The following SAMD9L variants were observed in gnomAD, a reference collection of about 807,000 sequenced individuals.
SAMD9L encodes sterile alpha motif domain-containing protein 9-like.
In SAMD9L, 68 loss-of-function variants were observed where a neutral mutation model predicts 90.7. That is an observed-to-expected ratio of 0.75 (90% CI 0.62 to 0.92). The LOEUF is 0.92. SAMD9L is among the 40% of genes least tolerant of loss of function. The pLI is 0.00. For synonymous variants in SAMD9L, 640 were observed against 630.1 expected, an observed-to-expected ratio of 1.02 and a Z score of -0.23; for missense variants, 1,604 against 1,824.3, an observed-to-expected ratio of 0.88 and a Z score of 2.20.
Position 93,131,117 on chromosome 7 carries a change from G to A in SAMD9L, c.*100C>T. On this transcript the variant is annotated 3_prime_UTR_variant, in exon 5 of 5. Coordinates refer to ENST00000318238, the MANE Select transcript of SAMD9L (RefSeq NM_152703.5). ...GGCAAAAGCAAAATCTGTAATTAGA[G>A]GTTAGCCATAATGTTATGAAAGTGC... 1 of 744,104 alleles carries A rather than the reference G, an allele frequency of 1.3e-6. No individual in the cohort carries two copies. Among genetic ancestry groups the A allele is most frequent in the East Asian group, 3.0e-5 (1 of 33,452 alleles). 46.1% of individuals were successfully genotyped at this position (744,104 alleles called of 1,614,324 possible). A position where few individuals can be genotyped will look rare whatever the true frequency, so the allele number is the denominator to read the frequency against.
At position 93,131,593 on chromosome 7, in the gene SAMD9L, C is replaced by T. The variant is rs750287709; in HGVS notation, c.4379G>A (p.Arg1460Lys). 2 of 1,613,914 alleles carry T rather than the reference C, an allele frequency of 1.2e-6. No individual in the cohort carries two copies. The highest frequency in any genetic ancestry group is 2.2e-5 in the South Asian group (2 of 91,060). ...KYVSSLNRSF[R>K]GQYKRMCRSK... is the part of the protein sequence containing the mutation. The stretch of plus-strand genomic sequence containing the variant: ...CCTGCACATGCGCTTGTACTGTCCC[C>T]TGAAGGATCTATTTAAGGATGAAAC... Residue 1460 changes from arginine (R) to lysine (K), a missense_variant, in exon 5 of 5, where the codon AGG becomes AAG. Arg to Lys is a conservative substitution (Grantham distance 26). Around this residue, in one of 7 missense-constraint regions of SAMD9L, gnomAD observed 282 missense variants for 329.6 expected, o/e 0.86. Coordinates refer to ENST00000318238, the MANE Select transcript of SAMD9L (RefSeq NM_152703.5).
At position 93,132,432 on chromosome 7, in the gene SAMD9L, C is replaced by T; in HGVS notation, c.3540G>A (p.Trp1180Ter). The T allele has an allele frequency of 6.2e-7, 1 of 1,613,512 alleles. No individual in the cohort carries two copies. The highest frequency in any genetic ancestry group is 1.3e-5 in the African/African-American group (1 of 74,930). The change falls in exon 5 of 5, where the codon TGG (tryptophan) becomes TGA (stop). Residue 1180 changes from tryptophan (W) to a stop codon, truncating the protein, a stop_gained. Coordinates refer to ENST00000318238, the MANE Select transcript of SAMD9L (RefSeq NM_152703.5). LOFTEE classifies it high-confidence loss of function. ...ATCGTCTCTGGGACTTCTGTGGTGACCAGTTCTCGGTTTCATAGTTTTTAC... is the reference window on the plus strand; with the variant it reads ...ATCGTCTCTGGGACTTCTGTGGTGATCAGTTCTCGGTTTCATAGTTTTTAC... ...TDSKNYETEN[W>*]SPQKSQRRYD...
At chr7:93,142,575 T>C (rs1417657885) in intron 4 of SAMD9L, among the ~76,000 whole-genome samples, 5 of 152,348 alleles carry the variant, frequency 3.3e-5, no homozygotes, top group African/African-American at 1.2e-4. Context: ...GATGTCCTAT[T>C]GTAAGCTCCA....
intron 1 of SAMD9L, among the ~76,000 whole-genome samples, chr7:93,147,452 A>T (rs1792936221): frequency 6.6e-6 from 1 of 152,250 alleles, no homozygotes; most frequent in Non-Finnish European, 1.5e-5. Flanking sequence ...TTTCCAAGTC[A>T]GCAAACTCTC....
In SAMD9L at chr7:93,131,945, G is replaced by A; in HGVS notation, c.4027C>T (p.Leu1343Phe). 1 of 1,612,880 alleles carries A rather than the reference G, an allele frequency of 6.2e-7. No individual in the cohort carries two copies. Among genetic ancestry groups the A allele is most frequent in the Non-Finnish European group, 8.5e-7 (1 of 1,179,658 alleles). ...TAGTTTGGATTAAGATATTCCAAGA[G>A]TCCAGCAAACCTATCTGCTCTCAGA... The part of the protein sequence containing the change: ...EALRADRFAG[L>F]LEYLNPNYKD... Residue 1343 changes from leucine to phenylalanine, a missense_variant, in exon 5 of 5, where the codon CTC (leucine) becomes TTC (phenylalanine). Physicochemically the swap from Leu to Phe is conservative, Grantham distance 22. Coordinates refer to ENST00000318238, the MANE Select transcript of SAMD9L (RefSeq NM_152703.5).
At position 93,134,079 on chromosome 7, in the gene SAMD9L, T is replaced by C. The variant is rs1199061349; in HGVS notation, c.1893A>G (p.Ser631=). Residue 631 remains serine, a synonymous_variant, in exon 5 of 5, where the codon TCA becomes TCG. Transcript: ENST00000318238. ...ILKLKSVTRS[S]RRFLPARGSS... ...ATCCACGGGCGGGCAAAAACCTTCT[T>C]GATGACCGAGTCACCGATTTTAGTT... is the stretch of plus-strand genomic sequence containing the variant. 3.7e-6 allele frequency: 6 copies of C among 1,613,842 alleles called. No homozygotes were observed. The highest frequency in any genetic ancestry group is 5.1e-6 in the Non-Finnish European group (6 of 1,179,890).
In SAMD9L at chr7:93,131,880, A is replaced by G. The variant is rs750627801; in HGVS notation, c.4092T>C (p.Tyr1364=). The change falls in exon 5 of 5, where the codon TAT becomes TAC. Residue 1364 remains tyrosine, a synonymous_variant. Coordinates refer to ENST00000318238, the MANE Select transcript of SAMD9L (RefSeq NM_152703.5). ...TTGAGTTTTGCTGCAGTAGGAAGGCATATTCATTCACTATACTTTCCATGG... is the reference window on the plus strand; with the variant it reads ...TTGAGTTTTGCTGCAGTAGGAAGGCGTATTCATTCACTATACTTTCCATGG... ...ATTMESIVNE[Y]AFLLQQNSKK... 8.7e-6 allele frequency: 14 copies of G among 1,612,204 alleles called. No homozygotes were observed. The highest frequency in any genetic ancestry group is 1.2e-5 in the Non-Finnish European group (14 of 1,179,878).
chr7:93,139,213 G>A (rs1225561250), intron 4 of SAMD9L, among the ~76,000 whole-genome samples: 1 of 152,050 alleles, frequency 6.6e-6, no homozygotes, highest in African/African-American at 2.4e-5. Flanking sequence ...CCAATACAAT[G>A]GCCTCTCACC....
chr7:93,132,764 C>T lies in SAMD9L; in HGVS notation c.3208G>A (p.Val1070Ile). 6.2e-7 allele frequency: 1 copy of T among 1,613,716 alleles called. No homozygotes were observed. Among genetic ancestry groups the T allele is most frequent in the South Asian group, 1.1e-5 (1 of 91,064 alleles). The stretch of plus-strand genomic sequence containing the variant: ...AATCGTCTACTTCCTGCACTCAAGA[C>T]CTTTTCAATGTCTTTATTCTGTAAA... ...EALQNKDIEK[V>I]LSAGSRRFPQ... Residue 1070 changes from valine (V) to isoleucine (I), a missense_variant, in exon 5 of 5, where the codon GTC (valine) becomes ATC (isoleucine). Physicochemically the swap from Val to Ile is conservative, Grantham distance 29 (BLOSUM62 3). This residue lies in a region of SAMD9L where 302 missense variants were observed against 314.7 expected (regional missense o/e 0.96). Transcript: ENST00000318238.
rs528895646 is a variant in SAMD9L, at chr7:93,140,022, T to C, written c.-20-4031A>G. Among the ~76,000 whole-genome samples, 19 of 152,340 alleles carry C rather than the reference T, an allele frequency of 1.2e-4. 1 individual carries two copies. In the South Asian group the frequency reaches 3.9e-3, roughly 32 times the overall value. On this transcript the variant is annotated intron_variant, in intron 4 of 4. Coordinates refer to ENST00000318238, the MANE Select transcript of SAMD9L (RefSeq NM_152703.5). ...CACTCTTATAGTTAAACTACAATGC[T>C]AGTTACATCCACCACTCAGTCCCCA...
In SAMD9L at chr7:93,145,605, A is replaced by G. The variant is rs1792859300; in HGVS notation, c.-343T>C. The G allele has an allele frequency of 1.3e-5, 2 of 152,216 alleles. No homozygotes were observed. The highest frequency in any genetic ancestry group is 1.3e-4 in the Admixed American group (2 of 15,288). The allele number at this position is 152,216 out of a possible 1,614,324, so 9.4% of individuals were successfully genotyped here. ...ACTTGTTGAGAACGTATTGCATAAA[A>G]CAATGATATCACAACCAATTAAAAT... On this transcript the variant is annotated 5_prime_UTR_variant, in exon 3 of 5. Coordinates refer to ENST00000318238, the MANE Select transcript of SAMD9L (RefSeq NM_152703.5).
At chr7:93,143,986 G>A in intron 4 of SAMD9L, among the ~76,000 whole-genome samples, 1 of 152,196 alleles carries the variant, frequency 6.6e-6, no homozygotes, top group East Asian at 1.9e-4. Context: ...GTGTATAAAG[G>A]TGGAGGAGTT....
At chr7:93,143,528 T>C (rs1343928161) in intron 4 of SAMD9L, among the ~76,000 whole-genome samples, 1 of 152,222 alleles carries the variant, frequency 6.6e-6, no homozygotes, top group Non-Finnish European at 1.5e-5. Flanking sequence ...TTGCTTCCTG[T>C]TTAAACCAGC....
rs952822870 is a variant in SAMD9L, at chr7:93,130,438, A to G, written c.*779T>C. On this transcript the variant is annotated 3_prime_UTR_variant, in exon 5 of 5. Coordinates refer to ENST00000318238, the MANE Select transcript of SAMD9L (RefSeq NM_152703.5). ...GCACAGGTTGAGAAGTAAAGGGAAC[A>G]AAGAGGGTAATGAATGGAAAAAATA... 1.3e-5 allele frequency: 2 copies of G among 152,240 alleles called. No individual in the cohort carries two copies. The highest frequency in any genetic ancestry group is 2.9e-5 in the Non-Finnish European group (2 of 68,080). The allele number at this position is 152,240 out of a possible 1,614,324, so 9.4% of individuals were successfully genotyped here. A position where few individuals can be genotyped will look rare whatever the true frequency, so the allele number is the denominator to read the frequency against.
intron 4 of SAMD9L, among the ~76,000 whole-genome samples, chr7:93,142,921 T>A (rs1792748119): frequency 6.6e-6 from 1 of 152,212 alleles, no homozygotes; most frequent in African/African-American, 2.4e-5. Context: ...TCTAGATTTT[T>A]CCCTTCTGTG....
At chr7:93,136,986 C>T (rs553483212) in intron 4 of SAMD9L, among the ~76,000 whole-genome samples, 1 of 152,280 alleles carries the variant, frequency 6.6e-6, no homozygotes, top group Non-Finnish European at 1.5e-5. Flanking sequence ...AATGTAAATT[C>T]TCAGGCCCCC....
rs1346587509 is a variant in SAMD9L at position 93,146,360 on chromosome 7, C to T, written c.-778-320G>A. On this transcript the variant is annotated intron_variant, in intron 2 of 4. Transcript: ENST00000318238. ...CACTGTTTGGCCAGCCTACTGAAAA[C>T]TTTATCCCACCTCCCAACATTTCCT... is the stretch of plus-strand genomic sequence containing the variant. Among the ~76,000 whole-genome samples, 5 of 152,298 alleles carry T rather than the reference C, an allele frequency of 3.3e-5. No homozygotes were observed. The South Asian group carries it at 6.2e-4, about 19-fold the overall frequency.
chr7:93,134,218 T>C lies in SAMD9L; in HGVS notation c.1754A>G (p.His585Arg), dbSNP rs766474111. 3 of 1,613,330 alleles carry C rather than the reference T, an allele frequency of 1.9e-6. No homozygotes were observed. The highest frequency in any genetic ancestry group is 2.2e-5 in the East Asian group (1 of 44,864). The change falls in exon 5 of 5, where the codon CAT (histidine) becomes CGT (arginine). Residue 585 changes from histidine (H) to arginine (R), a missense_variant. This residue lies in a region of SAMD9L where 606 missense variants were observed against 717.6 expected (regional missense o/e 0.84). Transcript: ENST00000318238. ...TAGATCTTTCCATCGTTGATAAATA[T>C]GTGAGTTTACAGAGATACACAACAT... ...ENMLCISVNSHIYQRWKDLLQ... is the reference protein window; with the variant it reads ...ENMLCISVNSRIYQRWKDLLQ...
chr7:93,134,107 A>G lies in SAMD9L; in HGVS notation c.1865T>C (p.Leu622Pro). The change falls in exon 5 of 5, where the codon CTT (leucine) becomes CCT (proline). Residue 622 changes from leucine to proline, a missense_variant. By Grantham distance (98) the Leu-to-Pro change is moderately conservative. Transcript: ENST00000318238. ...TGACCGAGTCACCGATTTTAGTTTA[A>G]GGATAGTGCTGTTTACCAGTTCTAT... ...LNIELVNSTI[L>P]KLKSVTRSSR... 1.2e-6 allele frequency: 2 copies of G among 1,613,986 alleles called. No individual in the cohort carries two copies. Among genetic ancestry groups the G allele is most frequent in the Non-Finnish European group, 1.7e-6 (2 of 1,179,894 alleles).
Sources: allele counts gnomAD v4.1 joint callset (sites outside exome capture counted in the v4.1 genomes callset), GRCh38; gene constraint gnomAD v4.1.1; regional missense constraint gnomAD v4.1.1; transcripts MANE v1.5; gene names NCBI Gene and HGNC (gene_info 2026-07-23, HGNC 2026-07-21).